The following SESN1 variants were observed in gnomAD, a reference collection of about 807,000 sequenced individuals.
The protein encoded by SESN1 is sestrin-1.
A neutral mutation model predicts 59.3 loss-of-function variants in SESN1; 30 were observed. The observed-to-expected ratio is 0.51, with a 90% CI of 0.38 to 0.69. The LOEUF (loss-of-function observed/expected upper bound fraction) is 0.69, where lower values mean the gene tolerates loss of function less well. SESN1 is among the 30% of genes least tolerant of loss of function. The pLI, the probability that SESN1 is intolerant of heterozygous loss-of-function variation, is 0.00. For synonymous variants in SESN1, 197 were observed against 219.9 expected, an observed-to-expected ratio of 0.90 and a Z score of 0.92; for missense variants, 566 against 673.0, an observed-to-expected ratio of 0.84 and a Z score of 1.76.
chr6:109,091,712 G>T (rs1358365933), intron 1 of SESN1, among the ~76,000 whole-genome samples: 2 of 152,004 alleles, frequency 1.3e-5, no homozygotes, highest in East Asian at 3.9e-4. Context: ...CTTCTTTATG[G>T]TCTGTTTCCC....
intron 1 of SESN1, 70 bp from the exon 2 acceptor site, chr6:109,002,413 G>C: frequency 7.8e-7 from 1 of 1,278,970 alleles, no homozygotes. Context: ...AAAGGAATGG[G>C]AGGGAAAAAC....
At chr6:109,012,672 G>A (rs1397455629) in intron 1 of SESN1, among the ~76,000 whole-genome samples, 1 of 152,102 alleles carries the variant, frequency 6.6e-6, no homozygotes, top group Non-Finnish European at 1.5e-5. Flanking sequence ...GAGAGTTTGG[G>A]AGAATAGACA....
chr6:108,991,584 C>G (rs1260227686), intron 7 of SESN1, among the ~76,000 whole-genome samples: 1 of 152,140 alleles, frequency 6.6e-6, no homozygotes, highest in Non-Finnish European at 1.5e-5. Flanking sequence ...TCACCCATTC[C>G]TTCTCCTACC....
At chr6:109,092,052 A>G (rs1426239251) in intron 1 of SESN1, among the ~76,000 whole-genome samples, 1 of 152,208 alleles carries the variant, frequency 6.6e-6, no homozygotes, top group Non-Finnish European at 1.5e-5. Flanking sequence ...TGTACAATAG[A>G]TGCAGAGATG....
chr6:109,067,524 A>G (rs1200554528), intron 1 of SESN1, among the ~76,000 whole-genome samples: 1 of 152,256 alleles, frequency 6.6e-6, no homozygotes, highest in Non-Finnish European at 1.5e-5. Flanking sequence ...GATCCATTTC[A>G]TCGGCAGAGC....
In SESN1 at chr6:109,039,939, A is replaced by T. The variant is rs539092816; in HGVS notation, c.280-37596T>A. ...GGATTATTTCATGGCCACAGACTGCATCACAGCTGTGGCTGGGATTTCACA... is the reference window on the plus strand; with the variant it reads ...GGATTATTTCATGGCCACAGACTGCTTCACAGCTGTGGCTGGGATTTCACA... On this transcript the variant is annotated intron_variant, in intron 1 of 9. Transcript: ENST00000436639. 4.6e-5 allele frequency among the ~76,000 whole-genome samples: 7 copies of T among 152,332 alleles called. No homozygotes were observed. The South Asian group carries it at 1.4e-3, about 32-fold the overall frequency.
intron 1 of SESN1, among the ~76,000 whole-genome samples, chr6:109,075,005 G>A (rs1001877119): frequency 6.6e-6 from 1 of 152,220 alleles, no homozygotes; most frequent in Non-Finnish European, 1.5e-5. Context: ...GAGGCATGGT[G>A]AGCCCCACCT....
At chr6:109,033,369 CTTCT>C (rs1423429208) in intron 1 of SESN1, among the ~76,000 whole-genome samples, 9 of 152,180 alleles carry the variant, frequency 5.9e-5, no homozygotes, top group South Asian at 4.1e-4. Flanking sequence ...AAGCCTCTTG[CTTCT>C]TTCTAACTTT....
chr6:108,987,504 T>C lies in SESN1; in HGVS notation c.*40A>G. The stretch of plus-strand genomic sequence containing the variant: ...TACCTTCCCCCTTGTAGACTATATC[T>C]GCTGATCATTCCAGAATCATCTTTA... On this transcript the variant is annotated 3_prime_UTR_variant, in exon 10 of 10. Transcript: ENST00000436639. The C allele has an allele frequency of 8.7e-7, 1 of 1,148,546 alleles. No individual in the cohort carries two copies. The highest frequency in any genetic ancestry group is 1.3e-6 in the Non-Finnish European group (1 of 761,354). 71.1% of individuals were successfully genotyped at this position (1,148,546 alleles called of 1,614,324 possible). A position where few individuals can be genotyped will look rare whatever the true frequency, so the allele number is the denominator to read the frequency against.
intron 1 of SESN1, among the ~76,000 whole-genome samples, chr6:109,050,580 C>T (rs1282233830): frequency 6.6e-6 from 1 of 152,112 alleles, no homozygotes; most frequent in Non-Finnish European, 1.5e-5. Flanking sequence ...GGCAGGCAAA[C>T]ATCAAAGCAG....
intron 1 of SESN1, among the ~76,000 whole-genome samples, chr6:109,007,682 A>G (rs1779761072): frequency 6.6e-6 from 1 of 152,126 alleles, no homozygotes. Context: ...GGAGAGATCT[A>G]GAAGTGTTAG....
chr6:109,080,082 A>G (rs922579729), intron 1 of SESN1, among the ~76,000 whole-genome samples: 1 of 152,194 alleles, frequency 6.6e-6, no homozygotes, highest in Non-Finnish European at 1.5e-5. Flanking sequence ...CAAGCCCACA[A>G]TAGTGCAGTC....
intron 1 of SESN1, among the ~76,000 whole-genome samples, chr6:109,020,701 T>A (rs540340172): frequency 1.3e-5 from 2 of 152,196 alleles, no homozygotes; most frequent in Non-Finnish European, 2.9e-5. Context: ...ATCACTGTTA[T>A]ATTTAGCACA....
At chr6:109,072,503 T>C (rs1172973094) in intron 1 of SESN1, among the ~76,000 whole-genome samples, 1 of 152,222 alleles carries the variant, frequency 6.6e-6, no homozygotes, top group African/African-American at 2.4e-5. Context: ...CTAAAAACCA[T>C]GAAATGCATC....
intron 1 of SESN1, among the ~76,000 whole-genome samples, chr6:109,069,169 C>A (rs1430007908): frequency 6.6e-6 from 1 of 151,692 alleles, no homozygotes; most frequent in Admixed American, 6.6e-5. Context: ...CAGAGAAGGC[C>A]ATCGTGGCAA....
intron 1 of SESN1, among the ~76,000 whole-genome samples, chr6:109,080,272 G>A (rs1424781937): frequency 2.0e-5 from 3 of 152,158 alleles, no homozygotes; most frequent in East Asian, 1.9e-4. Flanking sequence ...AACTAGCTAG[G>A]AGAATGCTCT....
intron 1 of SESN1, among the ~76,000 whole-genome samples, chr6:109,008,387 T>C (rs1298689476): frequency 1.3e-5 from 2 of 152,248 alleles, no homozygotes; most frequent in Admixed American, 1.3e-4. Flanking sequence ...TTTTTAAAGA[T>C]TGTTTTATTA....
chr6:109,077,679 ACTT>A lies in SESN1; in HGVS notation c.279+16113_279+16115del, dbSNP rs1465329696. 5.3e-5 allele frequency among the ~76,000 whole-genome samples: 8 copies of A among 152,362 alleles called. No homozygotes were observed. The East Asian group carries it at 5.8e-4, about 11-fold the overall frequency. On this transcript the variant is annotated intron_variant, in intron 1 of 9. Transcript: ENST00000436639. ...AAAGAGCACTAAGGTGGCTGCAAGTACTTCTTCTCAATGAGAATGCCTAGGAGC... is the reference window on the plus strand; with the variant it reads ...AAAGAGCACTAAGGTGGCTGCAAGTACTTCTCAATGAGAATGCCTAGGAGC...
At chr6:109,035,872 T>C (rs2114403663) in intron 1 of SESN1, among the ~76,000 whole-genome samples, 1 of 152,304 alleles carries the variant, frequency 6.6e-6, no homozygotes, top group South Asian at 2.1e-4. Flanking sequence ...CCTCCTGAAG[T>C]GCTGGGATTA....
Sources: gnomAD v4.1 joint callset for allele counts (sites outside exome capture counted in the v4.1 genomes callset) on GRCh38, gnomAD v4.1.1 for gene constraint, MANE v1.5 for transcripts, NCBI Gene and HGNC (gene_info 2026-07-23, HGNC 2026-07-21) for gene names.